The following SLIT2 variants were observed in gnomAD, a reference collection of about 807,000 sequenced individuals.
The protein encoded by SLIT2 is slit homolog 2 protein.
In SLIT2, 41 loss-of-function variants were observed where a neutral mutation model predicts 185.7. The observed-to-expected ratio is 0.22, with a 90% CI of 0.17 to 0.29. The LOEUF (loss-of-function observed/expected upper bound fraction) is 0.29, where lower values mean the gene tolerates loss of function less well. SLIT2 is among the 10% of genes least tolerant of loss of function. The pLI is 1.00. For synonymous variants in SLIT2, 693 were observed against 680.2 expected (o/e 1.02, Z -0.29); for missense variants, 1,571 against 1,909.0 (o/e 0.82, Z 3.30).
At chr4:20,301,176 G>A (rs1209640633) in intron 4 of SLIT2, among the ~76,000 whole-genome samples, 1 of 152,018 alleles carries the variant, frequency 6.6e-6, no homozygotes, top group Non-Finnish European at 1.5e-5. Context: ...AGATATTGAA[G>A]AGCTTTAAAA....
At chr4:20,387,152 C>T (rs73108617) in intron 4 of SLIT2, among the ~76,000 whole-genome samples, 1,787 of 152,186 alleles carry the variant, frequency 0.012, 20 homozygotes, top group African/African-American at 0.034. Flanking sequence ...CTGGATTATC[C>T]GAGTGCTGGT....
intron 4 of SLIT2, among the ~76,000 whole-genome samples, chr4:20,336,605 C>T (rs1254525792): frequency 6.6e-6 from 1 of 152,062 alleles, no homozygotes; most frequent in Admixed American, 6.6e-5. Context: ...GGGTGCAGCA[C>T]ACCAACATGG....
chr4:20,595,716 T>C lies in SLIT2; in HGVS notation c.3202T>C (p.Tyr1068His). Reference protein sequence around the residue: ...KGFKCDCTPGYVGEHCDIDFD... With the variant: ...KGFKCDCTPGHVGEHCDIDFD... ...CAACAGATGTGACTGCACACCAGGG[T>C]ACGTAGGTGAACACTGCGACATCGA... Residue 1068 changes from tyrosine to histidine, a missense_variant, in exon 31 of 37, where the codon TAC (tyrosine) becomes CAC (histidine). Physicochemically the swap from Tyr to His is moderately conservative, Grantham distance 83 (BLOSUM62 2). This residue lies in a region of SLIT2 where 1,202 missense variants were observed against 1,416.4 expected (regional missense o/e 0.85). Coordinates refer to ENST00000504154, the MANE Select transcript of SLIT2 (RefSeq NM_004787.4). 1 of 1,614,098 alleles carries C rather than the reference T, an allele frequency of 6.2e-7. No individual in the cohort carries two copies. Among genetic ancestry groups the C allele is most frequent in the Non-Finnish European group, 8.5e-7 (1 of 1,179,992 alleles).
chr4:20,461,972 G>A (rs913100304), intron 4 of SLIT2, among the ~76,000 whole-genome samples: 8 of 152,134 alleles, frequency 5.3e-5, no homozygotes, highest in Non-Finnish European at 8.8e-5. Context: ...AATGGAGAAA[G>A]GGACTTGACT....
At position 20,472,386 on chromosome 4, in the gene SLIT2, G is replaced by GAGATATAGATATCTATATCTCTATATATA. The variant is rs1560453735; in HGVS notation, c.467+4563_467+4564insAGATATAGATATCTATATCTCTATATATA. On this transcript the variant is annotated intron_variant, in intron 5 of 36. Coordinates refer to ENST00000504154, the MANE Select transcript of SLIT2 (RefSeq NM_004787.4). ...TATAGATATCTATATCTATATATAT[G>GAGATATAGATATCTATATCTCTATATATA]TAGATATATAGATATAGATATCTAT... is the stretch of plus-strand genomic sequence containing the variant. 6.3e-4 allele frequency among the ~76,000 whole-genome samples: 24 copies of GAGATATAGATATCTATATCTCTATATATA among 38,392 alleles called. 2 individuals are homozygous for GAGATATAGATATCTATATCTCTATATATA. The South Asian group carries it at 7.6e-3, about 12-fold the overall frequency. 25.2% of individuals were successfully genotyped at this position (38,392 alleles called of 152,430 possible).
intron 29 of SLIT2, among the ~76,000 whole-genome samples, chr4:20,580,146 C>T (rs1284479257): frequency 8.0e-5 from 12 of 149,224 alleles, no homozygotes; most frequent in Admixed American, 3.4e-4. Flanking sequence ...CTGCAACCTC[C>T]GCCTCTCAGG....
At chr4:20,273,724 T>C (rs866522015) in intron 4 of SLIT2, among the ~76,000 whole-genome samples, 1 of 152,202 alleles carries the variant, frequency 6.6e-6, no homozygotes, top group South Asian at 2.1e-4. Context: ...TCCCTAGTTC[T>C]TGGATGTCAG....
intron 11 of SLIT2, among the ~76,000 whole-genome samples, chr4:20,518,693 C>T (rs1720533944): frequency 7.9e-6 from 1 of 126,424 alleles, no homozygotes; most frequent in Non-Finnish European, 1.6e-5. Flanking sequence ...CAAGCTCCGC[C>T]TCCCGGGTTC....
intron 4 of SLIT2, among the ~76,000 whole-genome samples, chr4:20,457,508 A>G (rs1713209114): frequency 6.6e-6 from 1 of 152,040 alleles, no homozygotes; most frequent in Non-Finnish European, 1.5e-5. Context: ...AAGATATTAT[A>G]TATATAAATT....
At chr4:20,399,281 G>A (rs1402530556) in intron 4 of SLIT2, among the ~76,000 whole-genome samples, 1 of 151,454 alleles carries the variant, frequency 6.6e-6, no homozygotes, top group Non-Finnish European at 1.5e-5. Flanking sequence ...TTTTGTTCAA[G>A]TTACAGAAGA....
chr4:20,380,581 A>G (rs999359164), intron 4 of SLIT2, among the ~76,000 whole-genome samples: 9 of 152,272 alleles, frequency 5.9e-5, no homozygotes, highest in Admixed American at 5.2e-4. Context: ...AAAATGAAAG[A>G]TAAGAAAAGA....
chr4:20,424,380 A>AT (rs1192529580), intron 4 of SLIT2, among the ~76,000 whole-genome samples: 3 of 152,112 alleles, frequency 2.0e-5, no homozygotes, highest in African/African-American at 7.2e-5. Context: ...ATTTGAGAAA[A>AT]TACATCAAGA....
chr4:20,470,630 C>G (rs749895453), intron 5 of SLIT2, among the ~76,000 whole-genome samples: 108 of 152,050 alleles, frequency 7.1e-4, no homozygotes, highest in Middle Eastern at 6.8e-3. Flanking sequence ...GGCTGGAGTG[C>G]AGTGGCACAA....
intron 26 of SLIT2, among the ~76,000 whole-genome samples, chr4:20,557,108 C>CT (rs896997676): frequency 8.6e-5 from 13 of 152,020 alleles, no homozygotes; most frequent in Non-Finnish European, 1.2e-4. Context: ...GGAAACAAGC[C>CT]TTCTCTGTCA....
At chr4:20,344,959 A>G (rs2109244607) in intron 4 of SLIT2, among the ~76,000 whole-genome samples, 1 of 152,306 alleles carries the variant, frequency 6.6e-6, no homozygotes, top group African/African-American at 2.4e-5. Context: ...TGCCACGTGT[A>G]TGTATGTAAT....
At chr4:20,325,661 A>G (rs1030538262) in intron 4 of SLIT2, among the ~76,000 whole-genome samples, 8 of 152,072 alleles carry the variant, frequency 5.3e-5, no homozygotes, top group Non-Finnish European at 1.2e-4. Flanking sequence ...TTTTGCCCTA[A>G]CTTCATCAAA....
intron 9 of SLIT2, among the ~76,000 whole-genome samples, chr4:20,509,453 C>T (rs1422539949): frequency 6.6e-6 from 1 of 152,046 alleles, no homozygotes. Context: ...TGGACATCCC[C>T]TGAGACAGAG....
At chr4:20,268,970 G>T in intron 4 of SLIT2, 89 bp downstream of exon 4, 1 of 826,060 alleles carries the variant, frequency 1.2e-6, no homozygotes, top group Non-Finnish European at 2.1e-6. Flanking sequence ...GTGCTTTCCT[G>T]GAATCTGTTC....
chr4:20,485,660 T>C (rs1338222269), intron 6 of SLIT2, among the ~76,000 whole-genome samples: 1 of 152,182 alleles, frequency 6.6e-6, no homozygotes, highest in Non-Finnish European at 1.5e-5. Context: ...CAGATGTAGA[T>C]ATAGCTGTTT....
Sources: allele counts gnomAD v4.1 joint callset (sites outside exome capture counted in the v4.1 genomes callset), GRCh38; gene constraint gnomAD v4.1.1; regional missense constraint gnomAD v4.1.1; transcripts MANE v1.5; gene names NCBI Gene and HGNC (gene_info 2026-07-23, HGNC 2026-07-21).